ATP2A2: variants seen among roughly 807,000 people sequenced by gnomAD.
The protein encoded by ATP2A2 is sarcoplasmic/endoplasmic reticulum calcium ATPase 2.
A neutral mutation model predicts 109.3 loss-of-function variants in ATP2A2; 14 were observed. That is an observed-to-expected ratio of 0.13 (90% CI 0.08 to 0.20). The LOEUF (loss-of-function observed/expected upper bound fraction) is 0.20, where lower values mean the gene tolerates loss of function less well. Ranked by LOEUF, ATP2A2 falls within the 10% of genes least tolerant of loss-of-function variation. The pLI, the probability that ATP2A2 is intolerant of heterozygous loss-of-function variation, is 1.00. For missense variants in ATP2A2, 657 were observed against 1,321.6 expected, an observed-to-expected ratio of 0.50 and a Z score of 7.80; for synonymous variants, 506 against 490.9, an observed-to-expected ratio of 1.03 and a Z score of -0.41.
chr12:110,299,757 T>C (rs1204284869), intron 5 of ATP2A2, among the ~76,000 whole-genome samples: 1 of 152,140 alleles, frequency 6.6e-6, no homozygotes, highest in African/African-American at 2.4e-5. Context: ...AAAACTGGGA[T>C]CACAGGCATG....
chr12:110,345,070 G>C (rs115160950), intron 17 of ATP2A2, 99 bp downstream of exon 17: 1 of 1,498,526 alleles, frequency 6.7e-7, no homozygotes, highest in African/African-American at 1.4e-5. Flanking sequence ...TTAAGACTCA[G>C]ACAATAAACA....
At chr12:110,321,106 T>TA (rs1877197826) in intron 5 of ATP2A2, among the ~76,000 whole-genome samples, 2 of 152,172 alleles carry the variant, frequency 1.3e-5, no homozygotes, top group Admixed American at 1.3e-4. Flanking sequence ...CGCACGCCTG[T>TA]AGTCCCGGTT....
At chr12:110,322,538 T>C (rs140889263) in intron 5 of ATP2A2, among the ~76,000 whole-genome samples, 27 of 152,274 alleles carry the variant, frequency 1.8e-4, no homozygotes, top group African/African-American at 6.5e-4. Flanking sequence ...TTTCGTTAAT[T>C]GAATATCTTT....
At chr12:110,311,521 A>G (rs781582701) in intron 5 of ATP2A2, among the ~76,000 whole-genome samples, 3 of 132,822 alleles carry the variant, frequency 2.3e-5, no homozygotes, top group Non-Finnish European at 4.6e-5. Flanking sequence ...ACTTGAACCC[A>G]GGGGGCAGAG....
chr12:110,288,404 CTTT>C (rs796752514), intron 3 of ATP2A2, among the ~76,000 whole-genome samples: 3 of 145,082 alleles, frequency 2.1e-5, no homozygotes, highest in East Asian at 2.0e-4. Flanking sequence ...ACAGATAATT[CTTT>C]TTTTTTTTTT....
In ATP2A2 at chr12:110,321,387, T is replaced by G. The variant is rs78262036; in HGVS notation, c.464-1605T>G. ...GCCATCTGCAAGTATGGGAGAATTT[T>G]CTTATGTAATTTGTAGCTGCCCTTT... On this transcript the variant is annotated intron_variant, in intron 5 of 19. Transcript: ENST00000539276. 8.1e-3 allele frequency among the ~76,000 whole-genome samples: 1,234 copies of G among 152,350 alleles called. 1 individual carries two copies. The highest frequency in any genetic ancestry group is 9.5e-3 in the Non-Finnish European group (644 of 68,032).
In ATP2A2 at chr12:110,340,174, C is replaced by T. The variant is rs1440673143; in HGVS notation, c.1761+453C>T. 6.6e-6 allele frequency among the ~76,000 whole-genome samples: 1 copy of T among 152,102 alleles called. No individual in the cohort carries two copies. The highest frequency in any genetic ancestry group is 1.5e-5 in the Non-Finnish European group (1 of 68,028). Reference sequence around the variant, plus strand: ...AATGAAGAAGCTTTGGTACTGTGGGCTCAGAATAGCACAAGAGTTAAAGAA... The same window carrying T: ...AATGAAGAAGCTTTGGTACTGTGGGTTCAGAATAGCACAAGAGTTAAAGAA... On this transcript the variant is annotated intron_variant, in intron 13 of 19. Transcript: ENST00000539276. The surrounding 1 kb of genome is among the most constrained non-coding windows in gnomAD (Gnocchi z 6.0).
At chr12:110,315,393 T>C (rs3026457) in intron 5 of ATP2A2, among the ~76,000 whole-genome samples, 8,273 of 152,318 alleles carry the variant, frequency 0.054, 318 homozygotes, top group African/African-American at 0.11. Context: ...CAGTGTCATT[T>C]TTTTAGTCAG....
At chr12:110,294,834 T>C (rs1033264160) in intron 4 of ATP2A2, among the ~76,000 whole-genome samples, 1 of 152,084 alleles carries the variant, frequency 6.6e-6, no homozygotes, top group Non-Finnish European at 1.5e-5. Flanking sequence ...GCTTTATTTT[T>C]TTTAAGACGG....
chr12:110,350,840 T>G lies in ATP2A2; in HGVS notation c.*4370T>G, dbSNP rs1158653537. On this transcript the variant is annotated 3_prime_UTR_variant, in exon 20 of 20. Transcript: ENST00000539276. ...GGCCTCCAGTTCATTTTCAGTTATT[T>G]TCTGAGTGTGCAGACAGCTATTTCG... The G allele has an allele frequency of 6.1e-6, 1 of 162,856 alleles. No homozygotes were observed. Among genetic ancestry groups the G allele is most frequent in the Non-Finnish European group, 1.4e-5 (1 of 73,290 alleles). The allele number at this position is 162,856 out of a possible 1,614,324, so 10.1% of individuals were successfully genotyped here.
chr12:110,293,146 C>T (rs566777366), intron 4 of ATP2A2, among the ~76,000 whole-genome samples: 18 of 151,714 alleles, frequency 1.2e-4, no homozygotes, highest in Non-Finnish European at 2.4e-4. Context: ...GGCACGATCT[C>T]GGCTCACTGC....
intron 5 of ATP2A2, among the ~76,000 whole-genome samples, chr12:110,301,560 A>G (rs1489116359): frequency 6.6e-6 from 1 of 152,086 alleles, no homozygotes. Flanking sequence ...TGGTCAGCAC[A>G]CTAGTCTAGC....
At chr12:110,285,600 G>C (rs1467384615) in intron 3 of ATP2A2, among the ~76,000 whole-genome samples, 1 of 152,184 alleles carries the variant, frequency 6.6e-6, no homozygotes. Flanking sequence ...GTATGTGAAA[G>C]GGGGAACAGT....
chr12:110,311,280 A>G (rs539539642), intron 5 of ATP2A2, among the ~76,000 whole-genome samples: 3 of 152,222 alleles, frequency 2.0e-5, no homozygotes, highest in Non-Finnish European at 4.4e-5. Flanking sequence ...TCACTGTGTC[A>G]CTCAGGCTGG....
intron 4 of ATP2A2, chr12:110,296,322 C>T: frequency 2.4e-6 from 1 of 419,368 alleles, no homozygotes; most frequent in Non-Finnish European, 4.4e-6. Context: ...AAGGTGAAAG[C>T]TGTGTTTTAC....
At chr12:110,298,270 G>A (rs893205853) in intron 5 of ATP2A2, among the ~76,000 whole-genome samples, 2 of 152,180 alleles carry the variant, frequency 1.3e-5, no homozygotes, top group Non-Finnish European at 2.9e-5. Flanking sequence ...CAGAAAAAAA[G>A]GATAGTGTTA....
At chr12:110,285,646 G>A (rs899815322) in intron 3 of ATP2A2, among the ~76,000 whole-genome samples, 5 of 152,174 alleles carry the variant, frequency 3.3e-5, no homozygotes, top group African/African-American at 4.8e-5. Flanking sequence ...TCTTGAGGAA[G>A]GTGACATTTG....
Position 110,346,788 on chromosome 12 carries a change from A to C in ATP2A2, c.*318A>C. On this transcript the variant is annotated 3_prime_UTR_variant, in exon 20 of 20. Transcript: ENST00000539276. Reference sequence around the variant, plus strand: ...ATAAAAAAAATAGTTGAGCCAGCAGACATTGTCAGCAAATTAATTGGCAGC... The same window carrying C: ...ATAAAAAAAATAGTTGAGCCAGCAGCCATTGTCAGCAAATTAATTGGCAGC... 3.5e-6 allele frequency: 4 copies of C among 1,152,228 alleles called. No homozygotes were observed. Among genetic ancestry groups the C allele is most frequent in the Non-Finnish European group, 4.3e-6 (4 of 932,788 alleles). 71.4% of individuals were successfully genotyped at this position (1,152,228 alleles called of 1,614,324 possible). A position where few individuals can be genotyped will look rare whatever the true frequency, so the allele number is the denominator to read the frequency against.
intron 19 of ATP2A2, 30 bp downstream of exon 19, chr12:110,346,148 C>T (rs1221366993): frequency 1.9e-6 from 3 of 1,614,070 alleles, no homozygotes; most frequent in Admixed American, 1.7e-5. Flanking sequence ...TTGGGACCAG[C>T]CACCTCCTTC....
Sources: allele counts gnomAD v4.1 joint callset (sites outside exome capture counted in the v4.1 genomes callset), GRCh38; gene constraint gnomAD v4.1.1; non-coding constraint Gnocchi (gnomAD v3.1); transcripts MANE v1.5; gene names NCBI Gene and HGNC (gene_info 2026-07-23, HGNC 2026-07-21).